NLRC5: variants seen among roughly 807,000 people sequenced by gnomAD.
The protein encoded by NLRC5 is NLR family CARD domain containing 5.
NLRC5 carries 114 observed loss-of-function variants against 206.9 expected under a neutral mutation model. The ratio of observed to expected loss-of-function variants is 0.55; its 90% CI spans 0.47 to 0.64. The LOEUF (loss-of-function observed/expected upper bound fraction) is 0.64, where lower values mean the gene tolerates loss of function less well. Among genes scored for constraint, NLRC5 ranks in the 30% least tolerant of loss-of-function variants. The pLI is 0.00. For missense variants in NLRC5, 2,008 were observed against 2,305.5 expected (o/e 0.87, Z 2.64); for synonymous variants, 952 against 962.8 (o/e 0.99, Z 0.21).
Position 57,055,531 on chromosome 16 carries a change from G to A in NLRC5, c.3746+12G>A. 1 of 1,607,554 alleles carries A rather than the reference G, an allele frequency of 6.2e-7. No individual in the cohort carries two copies. On this transcript the variant is annotated intron_variant, in intron 27 of 48. Coordinates refer to ENST00000688547, the MANE Select transcript of NLRC5 (RefSeq NM_001384950.1). ...CTCAGCCAGGTGGAGTAAGTTGAGG[G>A]AGGAGGAGGAAGGAGAGGAGCATGG...
chr16:57,067,692 G>A, intron 35 of NLRC5, 44 bp from the exon 36 acceptor site: 1 of 1,574,874 alleles, frequency 6.3e-7, no homozygotes, highest in Non-Finnish European at 8.7e-7. Context: ...CCTCTGAGGT[G>A]TGTCCAGCCT....
intron 29 of NLRC5, 66 bp downstream of exon 29, chr16:57,059,127 G>T: frequency 6.2e-7 from 1 of 1,611,648 alleles, no homozygotes; most frequent in South Asian, 1.1e-5. Flanking sequence ...GGCTGATGAT[G>T]GGAGAAGCAA....
rs1171885801 is a variant in NLRC5, at chr16:57,055,072, G to A, written c.3637G>A (p.Glu1213Lys). 5.0e-6 allele frequency: 8 copies of A among 1,614,240 alleles called. No homozygotes were observed. Among genetic ancestry groups the A allele is most frequent in the Non-Finnish European group, 6.8e-6 (8 of 1,180,044 alleles). The change falls in exon 26 of 49, where the codon GAG becomes AAG. Residue 1213 changes from glutamate to lysine, a missense_variant. Physicochemically the swap from Glu to Lys is moderately conservative, Grantham distance 56. Coordinates refer to ENST00000688547, the MANE Select transcript of NLRC5 (RefSeq NM_001384950.1). Reference protein sequence around the residue: ...HATLHFRSNEEEEGVCCGRFT... With the variant: ...HATLHFRSNEKEEGVCCGRFT... ...AACTTTGCACTTCAGATCCAACGAGGAGGAGGAAGGCGTGTGCTGTGGGTA... is the reference window on the plus strand; with the variant it reads ...AACTTTGCACTTCAGATCCAACGAGAAGGAGGAAGGCGTGTGCTGTGGGTA...
At chr16:57,024,981 G>A (rs2061121721) in intron 5 of NLRC5, among the ~76,000 whole-genome samples, 1 of 152,172 alleles carries the variant, frequency 6.6e-6, no homozygotes. Flanking sequence ...CTGCACTGGA[G>A]CCTGGGCAAG....
chr16:57,010,415 C>A (rs561927452), intron 1 of NLRC5, among the ~76,000 whole-genome samples: 12 of 152,274 alleles, frequency 7.9e-5, no homozygotes, highest in African/African-American at 2.6e-4. Context: ...CACTCTGTTG[C>A]CCAGGCTGGA....
At chr16:57,040,585 A>T in intron 16 of NLRC5, 65 bp from the exon 17 acceptor site, 2 of 1,511,072 alleles carry the variant, frequency 1.3e-6, no homozygotes, top group Non-Finnish European at 1.8e-6. Flanking sequence ...GGCCAGGCTG[A>T]GGATGGATTC....
intron 24 of NLRC5, among the ~76,000 whole-genome samples, chr16:57,053,553 G>C (rs2065209551): frequency 6.6e-6 from 1 of 152,088 alleles, no homozygotes; most frequent in Non-Finnish European, 1.5e-5. Context: ...TTGTGGGGGA[G>C]GGTCTCGCTC....
intron 43 of NLRC5, among the ~76,000 whole-genome samples, chr16:57,078,392 T>G (rs911747498): frequency 2.5e-4 from 38 of 150,830 alleles, no homozygotes; most frequent in Middle Eastern, 3.4e-3. Flanking sequence ...CCAATCAACG[T>G]GGCCTCAGCA....
chr16:57,039,766 C>G lies in NLRC5; in HGVS notation c.2802-15C>G. ...AATAACCTCTCGCTTCCTCACCCCT[C>G]TTTTGTCTTCACAGCCTGCAGCACA... On this transcript the variant is annotated splice_polypyrimidine_tract_variant and intron_variant, in intron 15 of 48. Transcript: ENST00000688547. 1 of 1,613,414 alleles carries G rather than the reference C, an allele frequency of 6.2e-7. No individual in the cohort carries two copies.
intron 2 of NLRC5, among the ~76,000 whole-genome samples, chr16:57,020,085 T>A (rs1206236245): frequency 6.6e-6 from 1 of 151,970 alleles, no homozygotes; most frequent in Non-Finnish European, 1.5e-5. Context: ...AGAGGCCACT[T>A]CCCTGCCTAT....
intron 24 of NLRC5, among the ~76,000 whole-genome samples, 195 bp from the exon 25 acceptor site, chr16:57,054,556 A>C (rs1203470948): frequency 6.6e-6 from 1 of 152,164 alleles, no homozygotes; most frequent in Non-Finnish European, 1.5e-5. Flanking sequence ...AAGGTCACAC[A>C]GCCAATAAGC....
chr16:57,046,755 G>A, intron 22 of NLRC5, 114 bp downstream of exon 22: 1 of 842,364 alleles, frequency 1.2e-6, no homozygotes, highest in African/African-American at 1.7e-5. Context: ...AAGAGAGGGA[G>A]TTTAAGAGAA....
rs1041396156 is a variant in NLRC5, at chr16:57,070,025, T to C, written c.4583+106T>C. On this transcript the variant is annotated intron_variant, in intron 37 of 48. Coordinates refer to ENST00000688547, the MANE Select transcript of NLRC5 (RefSeq NM_001384950.1). ...GGGCAGGCAATGAGACTTCAACCAA[T>C]GACCCTTCCCCTGATGAAGTGCAGC... 3.8e-5 allele frequency: 32 copies of C among 846,564 alleles called. No homozygotes were observed. The East Asian group carries it at 8.0e-4, about 21-fold the overall frequency. 52.4% of individuals were successfully genotyped at this position (846,564 alleles called of 1,614,324 possible).
intron 1 of NLRC5, among the ~76,000 whole-genome samples, chr16:57,007,904 G>A (rs972162731): frequency 3.9e-5 from 6 of 152,022 alleles, no homozygotes; most frequent in Non-Finnish European, 8.8e-5. Context: ...TTATAACCTT[G>A]TCTGTGATGC....
intron 18 of NLRC5, 101 bp from the exon 19 acceptor site, chr16:57,041,881 T>C: frequency 1.3e-6 from 1 of 788,358 alleles, no homozygotes; most frequent in South Asian, 1.9e-5. Context: ...CAGGGCTGTG[T>C]CCAGTTTCAG....
At chr16:57,061,886 T>G in intron 32 of NLRC5, 185 bp downstream of exon 32, 1 of 1,534,728 alleles carries the variant, frequency 6.5e-7, no homozygotes, top group Non-Finnish European at 8.7e-7. Flanking sequence ...ACAGAGAAAC[T>G]GTCCTTCCCC....
At chr16:57,071,279 G>A (rs1465459269) in intron 38 of NLRC5, among the ~76,000 whole-genome samples, 4 of 146,690 alleles carry the variant, frequency 2.7e-5, no homozygotes, top group African/African-American at 1.0e-4. Flanking sequence ...TTGTGGGGTT[G>A]GTTAATGGGG....
chr16:57,077,028 G>A, intron 40 of NLRC5, 126 bp downstream of exon 40: 1 of 851,650 alleles, frequency 1.2e-6, no homozygotes, highest in South Asian at 1.5e-5. Flanking sequence ...TCTACACTGT[G>A]TAAACAACCT....
At chr16:57,051,502 G>C (rs753172957) in intron 23 of NLRC5, 36 bp from the exon 24 acceptor site, 13 of 1,540,176 alleles carry the variant, frequency 8.4e-6, no homozygotes, top group East Asian at 4.5e-5. Context: ...TTCCTGGAAG[G>C]TTTCCCCCAC....
Sources: allele counts gnomAD v4.1 joint callset (sites outside exome capture counted in the v4.1 genomes callset), GRCh38; gene constraint gnomAD v4.1.1; transcripts MANE v1.5; gene names NCBI Gene and HGNC (gene_info 2026-07-23, HGNC 2026-07-21).